RALYL: variants seen among roughly 807,000 people sequenced by gnomAD.
RALYL encodes the protein RALY RNA binding protein like.
RALYL carries 29 observed loss-of-function variants against 35.1 expected under a neutral mutation model. The ratio of observed to expected loss-of-function variants is 0.83; its 90% confidence interval spans 0.61 to 1.13. The LOEUF (loss-of-function observed/expected upper bound fraction) is 1.13, where lower values mean the gene tolerates loss of function less well. Ranked by LOEUF, RALYL falls within the 50% of genes most tolerant of loss-of-function variation. RALYL has a pLI of 0.00. For synonymous variants in RALYL, 120 were observed against 127.6 expected, an observed-to-expected ratio of 0.94 and a Z score of 0.40; for missense variants, 359 against 360.4, an observed-to-expected ratio of 1.00 and a Z score of 0.03.
chr8:84,586,955 C>T (rs1350743006), intron 2 of RALYL, among the ~76,000 whole-genome samples: 2 of 152,068 alleles, frequency 1.3e-5, no homozygotes, highest in African/African-American at 4.8e-5. Flanking sequence ...ATGGGTGTCT[C>T]AACTGTCCAA....
intron 3 of RALYL, among the ~76,000 whole-genome samples, chr8:84,802,332 G>A (rs144053953): frequency 4.4e-4 from 67 of 152,284 alleles, no homozygotes; most frequent in African/African-American, 1.5e-3. Flanking sequence ...AGGGTGAGCA[G>A]GATTTGGCCA....
chr8:84,609,833 C>T (rs968301905), intron 2 of RALYL, among the ~76,000 whole-genome samples: 3 of 152,084 alleles, frequency 2.0e-5, no homozygotes, highest in African/African-American at 7.2e-5. Context: ...TTAATGGACT[C>T]ACAGTTCCAC....
chr8:84,472,299 G>T (rs73688497), intron 1 of RALYL, among the ~76,000 whole-genome samples: 9,670 of 152,132 alleles, frequency 0.064, 316 homozygotes, highest in East Asian at 0.14. Flanking sequence ...ATAGGTATAT[G>T]AATTTTTATA....
intron 1 of RALYL, among the ~76,000 whole-genome samples, chr8:84,288,160 G>GTTT (rs113037990): frequency 0.018 from 2,735 of 150,816 alleles, 67 homozygotes; most frequent in Non-Finnish European, 0.024. Flanking sequence ...TGGTTCTCCT[G>GTTT]TTTTTTTTTG....
chr8:84,485,085 T>C (rs1279322575), intron 1 of RALYL, among the ~76,000 whole-genome samples: 2 of 152,166 alleles, frequency 1.3e-5, no homozygotes, highest in Non-Finnish European at 2.9e-5. Flanking sequence ...AGCATCGTTG[T>C]AGCTTTATCC....
intron 1 of RALYL, among the ~76,000 whole-genome samples, chr8:84,407,018 C>CTCTATATA (rs1441765212): frequency 6.8e-6 from 1 of 148,106 alleles, no homozygotes; most frequent in Non-Finnish European, 1.5e-5. Flanking sequence ...CTCTCTCTCT[C>CTCTATATA]TATATATATA....
chr8:84,288,966 A>G (rs1838222161), intron 1 of RALYL, among the ~76,000 whole-genome samples: 1 of 152,192 alleles, frequency 6.6e-6, no homozygotes. Context: ...GAGAAAGACC[A>G]AAATGTAGTC....
chr8:84,546,285 AATTTTTGT>A (rs2060353572), intron 2 of RALYL, among the ~76,000 whole-genome samples: 1 of 151,932 alleles, frequency 6.6e-6, no homozygotes, highest in African/African-American at 2.4e-5. Context: ...ATGCCCAGCG[AATTTTTGT>A]ATTTTTAGTA....
chr8:84,458,961 T>G (rs962593889), intron 1 of RALYL, among the ~76,000 whole-genome samples: 2 of 151,726 alleles, frequency 1.3e-5, no homozygotes, highest in Admixed American at 1.3e-4. Context: ...GAATGAAGAA[T>G]GCTCTAGGGA....
intron 1 of RALYL, among the ~76,000 whole-genome samples, chr8:84,311,040 C>CTCT (rs1216755569): frequency 1.4e-5 from 1 of 71,542 alleles, no homozygotes; most frequent in Admixed American, 2.2e-4. Flanking sequence ...GGCGACAGAG[C>CTCT]GAGACTCCGT....
intron 3 of RALYL, among the ~76,000 whole-genome samples, chr8:84,800,522 G>GTCTT (rs1309974490): frequency 6.6e-6 from 1 of 151,968 alleles, no homozygotes; most frequent in Non-Finnish European, 1.5e-5. Flanking sequence ...TCTCCACTAT[G>GTCTT]TCTTACTCTT....
intron 2 of RALYL, among the ~76,000 whole-genome samples, chr8:84,680,214 A>G (rs1006337535): frequency 2.6e-5 from 4 of 152,098 alleles, no homozygotes; most frequent in Admixed American, 1.3e-4. Flanking sequence ...ATTCCATGGT[A>G]TATATGTGCC....
At chr8:84,521,826 A>G (rs982238653) in intron 1 of RALYL, among the ~76,000 whole-genome samples, 1 of 152,158 alleles carries the variant, frequency 6.6e-6, no homozygotes, top group African/African-American at 2.4e-5. Flanking sequence ...AACATTATCT[A>G]CAATTATATA....
chr8:84,191,017 C>G (rs1347873299), intron 1 of RALYL, among the ~76,000 whole-genome samples: 1 of 150,716 alleles, frequency 6.6e-6, no homozygotes, highest in East Asian at 2.0e-4. Flanking sequence ...TGCATAGGCT[C>G]AAAAGAAGAT....
At chr8:84,506,135 A>G (rs2057145356) in intron 1 of RALYL, among the ~76,000 whole-genome samples, 3 of 152,096 alleles carry the variant, frequency 2.0e-5, no homozygotes, top group African/African-American at 7.2e-5. Flanking sequence ...TTTTCTAACT[A>G]GGTCACCATG....
At chr8:84,719,458 C>T (rs540586530) in intron 2 of RALYL, among the ~76,000 whole-genome samples, 2 of 152,174 alleles carry the variant, frequency 1.3e-5, no homozygotes, top group African/African-American at 4.8e-5. Flanking sequence ...CTACTGACAA[C>T]CCTAATTTCC....
chr8:84,268,038 A>G (rs944022907), intron 1 of RALYL, among the ~76,000 whole-genome samples: 1 of 152,248 alleles, frequency 6.6e-6, no homozygotes, highest in Admixed American at 6.5e-5. Flanking sequence ...ATTAAAGAAT[A>G]GGTAATAAAC....
intron 2 of RALYL, among the ~76,000 whole-genome samples, chr8:84,627,648 G>A (rs1823029400): frequency 6.6e-6 from 1 of 150,816 alleles, no homozygotes; most frequent in East Asian, 2.0e-4. Flanking sequence ...TTCTTTCTCT[G>A]TATTCTGTTA....
At chr8:84,493,185 G>C (rs1467064994) in intron 1 of RALYL, among the ~76,000 whole-genome samples, 1 of 152,010 alleles carries the variant, frequency 6.6e-6, no homozygotes, top group African/African-American at 2.4e-5. Flanking sequence ...TTCTGTACCC[G>C]TGTTAGTTTG....
Sources: allele counts gnomAD v4.1 joint callset (sites outside exome capture counted in the v4.1 genomes callset), GRCh38; gene constraint gnomAD v4.1.1; transcripts MANE v1.5; gene names NCBI Gene and HGNC (gene_info 2026-07-23, HGNC 2026-07-21).